Variants in MAGEC3 observed in about 807,000 individuals in gnomAD.
The protein encoded by MAGEC3 is melanoma-associated antigen C3.
Under a neutral mutation model 35.3 loss-of-function variants are expected in MAGEC3, and 34 were observed. That is an observed-to-expected ratio of 0.96 (90% confidence interval 0.73 to 1.28). The LOEUF (loss-of-function observed/expected upper bound fraction) is 1.28, where lower values mean the gene tolerates loss of function less well. Ranked by LOEUF, MAGEC3 falls within the 50% of genes most tolerant of loss-of-function variation. The pLI, the probability that MAGEC3 is intolerant of heterozygous loss-of-function variation, is 0.00. For missense variants in MAGEC3, 561 were observed against 483.6 expected (o/e 1.16, Z -1.50); for synonymous variants, 202 against 185.6 (o/e 1.09, Z -0.72).
intron 1 of MAGEC3, among the ~76,000 whole-genome samples, chrX:141,863,506 A>G (rs149298662): frequency 0.017 from 1,861 of 112,040 alleles, 11 homozygotes; most frequent in Middle Eastern, 0.037. Context: ...ACATTCATCA[A>G]TTGCAGTACG....
intron 1 of MAGEC3, among the ~76,000 whole-genome samples, chrX:141,864,085 G>T (rs775350416): frequency 3.6e-5 from 4 of 111,091 alleles, no homozygotes; most frequent in Non-Finnish European, 7.5e-5. Context: ...GAATTCCATT[G>T]TGTGGATGCA....
intron 1 of MAGEC3, among the ~76,000 whole-genome samples, chrX:141,856,980 C>T (rs1341661351): frequency 9.0e-6 from 1 of 111,369 alleles, no homozygotes; most frequent in Non-Finnish European, 1.9e-5. Flanking sequence ...CTGAACGTTT[C>T]GGATGAGAAG....
At chrX:141,839,160 G>C (rs1336561092) in intron 1 of MAGEC3, among the ~76,000 whole-genome samples, 1 of 111,201 alleles carries the variant, frequency 9.0e-6, no homozygotes, top group Non-Finnish European at 1.9e-5. Flanking sequence ...TCAGCTCACA[G>C]CTGATCCTGG....
intron 1 of MAGEC3, among the ~76,000 whole-genome samples, chrX:141,842,798 C>G (rs2017693777): frequency 9.0e-6 from 1 of 111,569 alleles, no homozygotes; most frequent in East Asian, 2.8e-4. Flanking sequence ...CATAAACATC[C>G]CTAAAACACT....
intron 2 of MAGEC3, among the ~76,000 whole-genome samples, chrX:141,869,777 T>G (rs1184197019): frequency 8.9e-6 from 1 of 112,383 alleles, no homozygotes; most frequent in East Asian, 2.8e-4. Flanking sequence ...GAAATTTGGT[T>G]ATTTCTGTGG....
chrX:141,897,573 C>G, intron 7 of MAGEC3, 56 bp from the exon 8 acceptor site: 6 of 1,194,570 alleles, frequency 5.0e-6, no homozygotes, highest in Non-Finnish European at 6.8e-6. Context: ...ACCTGGAGTA[C>G]CGGGAGGTGC....
At chrX:141,863,108 A>C (rs2124098329) in intron 1 of MAGEC3, among the ~76,000 whole-genome samples, 1 of 112,166 alleles carries the variant, frequency 8.9e-6, no homozygotes, top group South Asian at 3.7e-4. Context: ...ATGATTCTTA[A>C]AAATCTTGAA....
At chrX:141,850,609 A>T (rs1190488523) in intron 1 of MAGEC3, among the ~76,000 whole-genome samples, 1 of 110,981 alleles carries the variant, frequency 9.0e-6, no homozygotes, top group Non-Finnish European at 1.9e-5. Flanking sequence ...CTCAAAGTTC[A>T]CTAATTTAAG....
At chrX:141,893,754 G>C (rs1165662754) in intron 4 of MAGEC3, among the ~76,000 whole-genome samples, 6 of 105,088 alleles carry the variant, frequency 5.7e-5, no homozygotes, top group Non-Finnish European at 9.7e-5. Flanking sequence ...CTGTAACTTT[G>C]ATGAAGTTTT....
At chrX:141,880,849 G>T in intron 3 of MAGEC3, 1 of 1,135,168 alleles carries the variant, frequency 8.8e-7, no homozygotes. Flanking sequence ...GCCGGCCTTT[G>T]TCAGAACCAC....
chrX:141,892,083 C>T (rs775590938), intron 4 of MAGEC3, among the ~76,000 whole-genome samples: 2 of 110,914 alleles, frequency 1.8e-5, no homozygotes, highest in South Asian at 3.8e-4. Flanking sequence ...TCATCACAGC[C>T]CTCAGAAGGA....
chrX:141,864,239 G>T (rs1603061956), intron 1 of MAGEC3, among the ~76,000 whole-genome samples: 1 of 106,191 alleles, frequency 9.4e-6, no homozygotes, highest in Non-Finnish European at 1.9e-5. Flanking sequence ...CAGTGCTCTG[G>T]GTAGCTGAAG....
chrX:141,895,863 G>T (rs889439742), intron 6 of MAGEC3, among the ~76,000 whole-genome samples: 1 of 110,827 alleles, frequency 9.0e-6, no homozygotes, highest in Non-Finnish European at 1.9e-5. Context: ...GAGTGAGGAC[G>T]GAGAGGTCCC....
At position 141,893,948 on chromosome X, in the gene MAGEC3, T is replaced by G. The variant is rs1312920272; in HGVS notation, c.910-1321T>G. 2.7e-5 allele frequency among the ~76,000 whole-genome samples: 3 copies of G among 111,885 alleles called. No individual in the cohort carries two copies. The East Asian group carries it at 8.4e-4, about 31-fold the overall frequency. On this transcript the variant is annotated intron_variant, in intron 4 of 7. Transcript: ENST00000298296. Reference sequence around the variant, plus strand: ...AGATTCAAATACAGGCTTATTAGAATGGCTGAAATCTGAAAATCTAAAATA... The same window carrying G: ...AGATTCAAATACAGGCTTATTAGAAGGGCTGAAATCTGAAAATCTAAAATA...
chrX:141,890,374 T>A (rs2018032527), intron 4 of MAGEC3, among the ~76,000 whole-genome samples: 1 of 110,180 alleles, frequency 9.1e-6, no homozygotes, highest in South Asian at 3.9e-4. Flanking sequence ...CCAGCTAATT[T>A]TTGTATTTTT....
intron 4 of MAGEC3, among the ~76,000 whole-genome samples, chrX:141,883,766 A>G (rs1377021648): frequency 8.8e-6 from 1 of 113,279 alleles, no homozygotes; most frequent in Non-Finnish European, 1.9e-5. Flanking sequence ...CTTTGTAAAT[A>G]AATTACAAGG....
At chrX:141,895,614 C>T in intron 6 of MAGEC3, 55 bp downstream of exon 6, 1 of 1,098,080 alleles carries the variant, frequency 9.1e-7, no homozygotes, top group South Asian at 2.2e-5. Flanking sequence ...TGGGGGAACC[C>T]CCACCTCAGA....
chrX:141,871,179 A>T (rs1295193121), intron 2 of MAGEC3, among the ~76,000 whole-genome samples: 1 of 111,633 alleles, frequency 9.0e-6, no homozygotes, highest in East Asian at 2.8e-4. Flanking sequence ...TAGTTATAAG[A>T]TTTTTTATTT....
intron 4 of MAGEC3, among the ~76,000 whole-genome samples, chrX:141,891,699 A>G (rs1172514011): frequency 1.9e-5 from 2 of 104,251 alleles, no homozygotes; most frequent in African/African-American, 6.9e-5. Flanking sequence ...ATATATATTT[A>G]TATATGCATA....
Sources: allele counts gnomAD v4.1 joint callset (sites outside exome capture counted in the v4.1 genomes callset), GRCh38; gene constraint gnomAD v4.1.1; transcripts MANE v1.5; gene names NCBI Gene and HGNC (gene_info 2026-07-23, HGNC 2026-07-21).